Variants in IRAK1 observed in about 807,000 individuals in gnomAD.
IRAK1 encodes the protein interleukin-1 receptor-associated kinase 1.
A neutral mutation model predicts 49.8 loss-of-function variants in IRAK1; 9 were observed. That is an observed-to-expected ratio of 0.18 (90% confidence interval 0.11 to 0.32). IRAK1 has a LOEUF of 0.32. Ranked by LOEUF, IRAK1 falls within the 10% of genes least tolerant of loss-of-function variation. The probability of loss-of-function intolerance (pLI) is 1.00; values close to 1 mark genes in which losing one functional copy is unlikely to be tolerated. For synonymous variants in IRAK1, 282 were observed against 270.8 expected (o/e 1.04, Z -0.41); for missense variants, 418 against 600.5 (o/e 0.70, Z 3.18).
At chrX:154,016,148 G>A (rs782561326) in intron 9 of IRAK1, 51 bp from the exon 10 acceptor site, 2 of 1,039,094 alleles carry the variant, frequency 1.9e-6, no homozygotes, top group Non-Finnish European at 2.7e-6. Flanking sequence ...CAGGGAAGAG[G>A]CCTCTGGTGT....
Position 154,011,328 on chromosome X carries a change from G to A in IRAK1, c.*531C>T. On this transcript the variant is annotated 3_prime_UTR_variant, in exon 14 of 14. Transcript: ENST00000369980. ...TGGTCTTGACCTACTGGGCTCCAGC[G>A]ATCCTCCTGCCTTGGCCTCCCAAAG... The A allele has an allele frequency of 8.0e-6, 2 of 250,851 alleles. No homozygotes were observed. The highest frequency in any genetic ancestry group is 7.9e-5 in the South Asian group (2 of 25,164). 20.7% of individuals were successfully genotyped at this position (250,851 alleles called of 1,213,427 possible).
Position 154,012,557 on chromosome X carries a change from C to T in IRAK1, c.2052G>A (p.Leu684=). 8 of 1,210,786 alleles carry T rather than the reference C, an allele frequency of 6.6e-6. No homozygotes were observed. The highest frequency in any genetic ancestry group is 8.9e-6 in the Non-Finnish European group (8 of 894,903). ...GGAGGGAGCTGGACGACAGCAGCTG[C>T]AGGCTGTCCAGGGCCCCATCCTCGT... is the stretch of plus-strand genomic sequence containing the variant. ...ALYEDGALDS[L]QLLSSSSLPG... The change falls in exon 13 of 14, where the codon CTG becomes CTA. Residue 684 remains leucine, a synonymous_variant. Coordinates refer to ENST00000369980, the MANE Select transcript of IRAK1 (RefSeq NM_001569.4).
Position 154,019,664 on chromosome X carries a change from C to A in IRAK1, c.136+13G>T. 2 of 963,591 alleles carry A rather than the reference C, an allele frequency of 2.1e-6. No homozygotes were observed. Among genetic ancestry groups the A allele is most frequent in the Non-Finnish European group, 2.6e-6 (2 of 772,255 alleles). The allele number at this position is 963,591 out of a possible 1,213,427, so 79.4% of individuals were successfully genotyped here. ...GCGCGCCTCCCGCCCCCCGGCAGCC[C>A]GCCGCCACCCACCGAACTGGCACCA... On this transcript the variant is annotated intron_variant, in intron 1 of 13. Coordinates refer to ENST00000369980, the MANE Select transcript of IRAK1 (RefSeq NM_001569.4).
In IRAK1 at chrX:154,016,533, C is replaced by T. The variant is rs782053956; in HGVS notation, c.1140G>A (p.Arg380=). 9.1e-6 allele frequency: 11 copies of T among 1,210,894 alleles called. No individual in the cohort carries two copies. The Admixed American group carries it at 2.2e-4, about 24-fold the overall frequency. Residue 380 remains arginine (R), a synonymous_variant, in exon 9 of 14, where the codon CGG becomes CGA. Transcript: ENST00000369980. ...SSPSQSSMVA[R]TQTVRGTLAY... is the part of the protein sequence containing the mutation. The stretch of plus-strand genomic sequence containing the variant: ...CCAGGGTGCCCCGCACTGTCTGTGT[C>T]CGGGCCACCATGCTGCTCTGGCTGG...
chrX:154,013,171 G>A lies in IRAK1; in HGVS notation c.1802C>T (p.Ser601Phe). ...SLGGLSAALR[S>F]WHLTPSCPLD... Reference sequence around the variant, plus strand: ...AGGGCAGCTTGGAGTCAAGTGCCAGGAGCGCAGGGCAGCAGAGAGGCCGCC... The same window carrying A: ...AGGGCAGCTTGGAGTCAAGTGCCAGAAGCGCAGGGCAGCAGAGAGGCCGCC... The change falls in exon 12 of 14, where the codon TCC (serine) becomes TTC (phenylalanine). Residue 601 changes from serine (S) to phenylalanine (F), a missense_variant. Coordinates refer to ENST00000369980, the MANE Select transcript of IRAK1 (RefSeq NM_001569.4). The A allele has an allele frequency of 8.3e-7, 1 of 1,209,581 alleles. No individual in the cohort carries two copies. Among genetic ancestry groups the A allele is most frequent in the Non-Finnish European group, 1.1e-6 (1 of 895,151 alleles).
At position 154,016,487 on chromosome X, in the gene IRAK1, T is replaced by G; in HGVS notation, c.1186A>C (p.Ile396Leu). 2 of 1,211,929 alleles carry G rather than the reference T, an allele frequency of 1.7e-6. No individual in the cohort carries two copies. The highest frequency in any genetic ancestry group is 2.2e-6 in the Non-Finnish European group (2 of 895,291). Residue 396 changes from isoleucine (I) to leucine (L), a missense_variant, in exon 9 of 14, where the codon ATC (isoleucine) becomes CTC (leucine). Physicochemically the swap from Ile to Leu is conservative, Grantham distance 5 (BLOSUM62 2). This residue lies in a region of IRAK1 where 377 missense variants were observed against 499.5 expected (regional missense o/e 0.75). Coordinates refer to ENST00000369980, the MANE Select transcript of IRAK1 (RefSeq NM_001569.4). ...TCCACAGCCAGCCTTCCCGTCTTGA[T>G]GTACTCCTCGGGCAGGTAGGCCAGG... ...GTLAYLPEEY[I>L]KTGRLAVDTD...
At chrX:154,017,499 G>A (rs988908602) in intron 7 of IRAK1, among the ~76,000 whole-genome samples, 1 of 112,174 alleles carries the variant, frequency 8.9e-6, no homozygotes, top group Non-Finnish European at 1.9e-5. Context: ...GAGCTCTATA[G>A]AAAACATTGG....
rs1467905971 is a variant in IRAK1, at chrX:154,018,247, C to T, written c.794+44G>A. The T allele has an allele frequency of 7.3e-6, 8 of 1,095,473 alleles. No individual in the cohort carries two copies. The Admixed American group carries it at 1.3e-4, about 18-fold the overall frequency. 90.3% of individuals were successfully genotyped at this position (1,095,473 alleles called of 1,213,427 possible). ...GGAGCCAGGTCCTGTGGTGTGCGGTCTGAAGCCCCACGGGACCTGGTGTGG... is the reference window on the plus strand; with the variant it reads ...GGAGCCAGGTCCTGTGGTGTGCGGTTTGAAGCCCCACGGGACCTGGTGTGG... On this transcript the variant is annotated intron_variant, in intron 6 of 13. Coordinates refer to ENST00000369980, the MANE Select transcript of IRAK1 (RefSeq NM_001569.4).
Position 154,012,965 on chromosome X carries a change from G to A in IRAK1, c.1930+78C>T, listed in dbSNP as rs1392728891. 5.3e-6 allele frequency: 6 copies of A among 1,128,398 alleles called. No homozygotes were observed. In the African/African-American group the frequency reaches 9.2e-5, roughly 17 times the overall value. The allele number at this position is 1,128,398 out of a possible 1,213,427, so 93.0% of individuals were successfully genotyped here. On this transcript the variant is annotated intron_variant, in intron 12 of 13. Coordinates refer to ENST00000369980, the MANE Select transcript of IRAK1 (RefSeq NM_001569.4). ...ATTTGGCCCTGGTTCTCTTCTAGAA[G>A]GCTGGGGTGGGGACTTACAGGGGCT...
At position 154,019,000 on chromosome X, in the gene IRAK1, G is replaced by A. The variant is rs936051251; in HGVS notation, c.515C>T (p.Pro172Leu). 4.2e-6 allele frequency: 5 copies of A among 1,203,137 alleles called. No individual in the cohort carries two copies. In the Admixed American group the frequency reaches 8.9e-5, roughly 21 times the overall value. The change falls in exon 4 of 14, where the codon CCA (proline) becomes CTA (leucine). Residue 172 changes from proline to leucine, a missense_variant. This residue lies in a region of IRAK1 where 377 missense variants were observed against 499.5 expected (regional missense o/e 0.75). Transcript: ENST00000369980. ...PSPASLWPPP[P>L]SPAPSSTKPG... The stretch of plus-strand genomic sequence containing the variant: ...CTTGGTAGAAGAAGGGGCTGGAGAT[G>A]GCGGTGGAGGCCACAGGGAAGCAGG...
At chrX:154,017,894 G>A (rs1404219437) in intron 7 of IRAK1, 112 bp downstream of exon 7, 2 of 531,751 alleles carry the variant, frequency 3.8e-6, no homozygotes, top group Non-Finnish European at 6.6e-6. Context: ...GGCCTGGCCT[G>A]CTGGCAGGAC....
chrX:154,016,107 G>C lies in IRAK1; in HGVS notation c.1237-10C>G. On this transcript the variant is annotated splice_polypyrimidine_tract_variant and intron_variant, in intron 9 of 13. Coordinates refer to ENST00000369980, the MANE Select transcript of IRAK1 (RefSeq NM_001569.4). ...AGGTCTCTAGCACTACCTGGAGAGAGGGAAGAGGGAGAGCATGGCAGTGGC... is the reference window on the plus strand; with the variant it reads ...AGGTCTCTAGCACTACCTGGAGAGACGGAAGAGGGAGAGCATGGCAGTGGC... The C allele has an allele frequency of 1.7e-6, 2 of 1,196,594 alleles. No individual in the cohort carries two copies. The highest frequency in any genetic ancestry group is 2.3e-6 in the Non-Finnish European group (2 of 881,397).
intron 13 of IRAK1, among the ~76,000 whole-genome samples, chrX:154,012,313 G>C (rs2065704803): frequency 8.9e-6 from 1 of 112,862 alleles, no homozygotes; most frequent in Admixed American, 9.3e-5. Flanking sequence ...GCACCCTCGG[G>C]CTAAAGGAGG....
At position 154,011,230 on chromosome X, in the gene IRAK1, G is replaced by A. The variant is rs993106750; in HGVS notation, c.*629C>T. 6 of 278,775 alleles carry A rather than the reference G, an allele frequency of 2.2e-5. No homozygotes were observed. The highest frequency in any genetic ancestry group is 3.4e-5 in the Non-Finnish European group (5 of 145,832). The allele number at this position is 278,775 out of a possible 1,213,427, so 23.0% of individuals were successfully genotyped here. A position where few individuals can be genotyped will look rare whatever the true frequency, so the allele number is the denominator to read the frequency against. ...CTCCCCAGCAGCTGGGACCACAGGC[G>A]TGCGCTACCACGCCAGGCTAATAGT... On this transcript the variant is annotated 3_prime_UTR_variant, in exon 14 of 14. Transcript: ENST00000369980.
Position 154,013,384 on chromosome X carries a change from C to T in IRAK1, c.1589G>A (p.Gly530Glu), listed in dbSNP as rs2065715426. 8.3e-7 allele frequency: 1 copy of T among 1,198,505 alleles called. No individual in the cohort carries two copies. Among genetic ancestry groups the T allele is most frequent in the African/African-American group, 1.8e-5 (1 of 56,786 alleles). The part of the protein sequence containing the change: ...KLQAVVAGVP[G>E]HSEAASCIPP... ...GATGCAGCTGGCGGCCTCCGAATGC[C>T]CGGGCACCCCCGCCACCACTGCCTG... Residue 530 changes from glycine to glutamate, a missense_variant, in exon 12 of 14, where the codon GGG becomes GAG. By Grantham distance (98) the Gly-to-Glu change is moderately conservative. Transcript: ENST00000369980.
intron 7 of IRAK1, 110 bp from the exon 8 acceptor site, chrX:154,017,177 C>G: frequency 1.9e-6 from 1 of 518,512 alleles, no homozygotes; most frequent in Non-Finnish European, 3.4e-6. Flanking sequence ...ACTCTCTAGG[C>G]CTCAGTTTCC....
intron 13 of IRAK1, among the ~76,000 whole-genome samples, 195 bp from the exon 14 acceptor site, chrX:154,012,112 C>T (rs1453182975): frequency 8.9e-6 from 1 of 112,720 alleles, no homozygotes; most frequent in African/African-American, 3.2e-5. Context: ...GTGGCTTGAT[C>T]ACAGCTCACT....
rs1603303464 is a variant in IRAK1, at chrX:154,012,417, G to C, written c.2080+112C>G. On this transcript the variant is annotated intron_variant, in intron 13 of 13. Coordinates refer to ENST00000369980, the MANE Select transcript of IRAK1 (RefSeq NM_001569.4). ...GGGCTTCTAGAGGTCGCCAGAGCCA[G>C]TGGCCTGCCCGGCTGCCCCACGCCC... 30 of 918,715 alleles carry C rather than the reference G, an allele frequency of 3.3e-5. No homozygotes were observed. The Middle Eastern group carries it at 1.7e-3, about 52-fold the overall frequency. The allele number at this position is 918,715 out of a possible 1,213,427, so 75.7% of individuals were successfully genotyped here.
In IRAK1 at chrX:154,011,790, G is replaced by A. The variant is rs1317045227; in HGVS notation, c.*69C>T. 1 of 1,050,983 alleles carries A rather than the reference G, an allele frequency of 9.5e-7. No homozygotes were observed. The highest frequency in any genetic ancestry group is 2.2e-5 in the Admixed American group (1 of 45,796). The allele number at this position is 1,050,983 out of a possible 1,213,427, so 86.6% of individuals were successfully genotyped here. ...TGCCGGCAGAGTGCTGAGGACTCGT[G>A]CACCATGAGAACTTCTGACCATGAG... On this transcript the variant is annotated 3_prime_UTR_variant, in exon 14 of 14. Coordinates refer to ENST00000369980, the MANE Select transcript of IRAK1 (RefSeq NM_001569.4).
Sources: gnomAD v4.1 joint callset for allele counts (sites outside exome capture counted in the v4.1 genomes callset) on GRCh38, gnomAD v4.1.1 for gene constraint, gnomAD v4.1.1 regional missense constraint, MANE v1.5 for transcripts, NCBI Gene and HGNC (gene_info 2026-07-23, HGNC 2026-07-21) for gene names.